Variants in GPC3 observed in about 807,000 individuals in gnomAD.
GPC3 encodes glypican 3.
A neutral mutation model predicts 34.4 loss-of-function variants in GPC3; 3 were observed. The ratio of observed to expected loss-of-function variants is 0.09; its 90% CI spans 0.04 to 0.23. The LOEUF (loss-of-function observed/expected upper bound fraction) is 0.23. Among genes scored for constraint, GPC3 ranks in the 10% least tolerant of loss-of-function variants. The pLI, the probability that GPC3 is intolerant of heterozygous loss-of-function variation, is 1.00. For missense variants in GPC3, 351 were observed against 445.6 expected, an observed-to-expected ratio of 0.79 and a Z score of 1.91; for synonymous variants, 177 against 174.0, an observed-to-expected ratio of 1.02 and a Z score of -0.13.
intron 2 of GPC3, among the ~76,000 whole-genome samples, chrX:133,900,184 C>T (rs915635526): frequency 2.7e-5 from 3 of 112,380 alleles, no homozygotes; most frequent in Admixed American, 9.4e-5. Context: ...TAGGAGCAGG[C>T]CCAAAGTATT....
chrX:133,934,358 G>C (rs984887756), intron 2 of GPC3, among the ~76,000 whole-genome samples: 3 of 108,077 alleles, frequency 2.8e-5, no homozygotes, highest in Non-Finnish European at 5.7e-5. Context: ...ACCACGCCTG[G>C]CTAATTTTGT....
chrX:133,955,758 T>C (rs1030544389), intron 1 of GPC3, among the ~76,000 whole-genome samples: 15 of 111,950 alleles, frequency 1.3e-4, no homozygotes, highest in African/African-American at 4.6e-4. Context: ...CCTAAAGTTT[T>C]ACAAGGTCCT....
chrX:133,777,100 C>A lies in GPC3; in HGVS notation c.338-22924G>T, dbSNP rs181758034. On this transcript the variant is annotated intron_variant, in intron 2 of 7. Transcript: ENST00000370818. ...TTCACTATGTTGGCCAGGCTGGTCT[C>A]AAAATCCTGACCTCATGATCTGTCC... 2.0e-3 allele frequency among the ~76,000 whole-genome samples: 214 copies of A among 109,006 alleles called. 1 individual carries two copies. In the East Asian group the frequency reaches 0.021, roughly 11 times the overall value. The allele number at this position is 109,006 out of a possible 115,157, so 94.7% of individuals were successfully genotyped here.
intron 7 of GPC3, among the ~76,000 whole-genome samples, chrX:133,590,067 A>T (rs1343646517): frequency 1.8e-5 from 2 of 111,092 alleles, no homozygotes; most frequent in African/African-American, 6.6e-5. Context: ...AGAGAACTAG[A>T]TAGGCTCCTT....
intron 7 of GPC3, among the ~76,000 whole-genome samples, chrX:133,546,292 G>T (rs1167111515): frequency 9.1e-6 from 1 of 109,766 alleles, no homozygotes; most frequent in East Asian, 2.9e-4. Context: ...TGTCATTCCA[G>T]GTCAGCCAAA....
chrX:133,575,527 T>C (rs1287128468), intron 7 of GPC3, among the ~76,000 whole-genome samples: 2 of 111,899 alleles, frequency 1.8e-5, no homozygotes, highest in South Asian at 3.8e-4. Context: ...GAAGGGATAC[T>C]GAATAATTCT....
intron 2 of GPC3, among the ~76,000 whole-genome samples, chrX:133,791,076 A>C (rs755610483): frequency 8.9e-6 from 1 of 111,797 alleles, no homozygotes; most frequent in South Asian, 3.8e-4. Flanking sequence ...CACCACCACC[A>C]CTTTGTGAAT....
intron 5 of GPC3, among the ~76,000 whole-genome samples, chrX:133,666,655 T>C (rs1428172722): frequency 2.7e-5 from 3 of 112,405 alleles, no homozygotes; most frequent in Non-Finnish European, 3.8e-5. Flanking sequence ...GACAAAATAT[T>C]GAACCAAATT....
chrX:133,623,193 A>C (rs145825791), intron 6 of GPC3, among the ~76,000 whole-genome samples: 1,449 of 112,069 alleles, frequency 0.013, 30 homozygotes, highest in African/African-American at 0.043. Flanking sequence ...CTGGTACCAG[A>C]CACTGCAAAA....
At chrX:133,619,159 G>A (rs944369217) in intron 6 of GPC3, among the ~76,000 whole-genome samples, 3 of 112,389 alleles carry the variant, frequency 2.7e-5, no homozygotes, top group Non-Finnish European at 5.6e-5. Flanking sequence ...TTAGATGGCT[G>A]TAATAATAAT....
intron 2 of GPC3, among the ~76,000 whole-genome samples, chrX:133,866,285 T>C (rs1389827108): frequency 8.9e-6 from 1 of 111,960 alleles, no homozygotes; most frequent in African/African-American, 3.2e-5. Flanking sequence ...GCTATTTATT[T>C]AGGGGATTTT....
At chrX:133,630,791 T>C (rs1305777240) in intron 6 of GPC3, among the ~76,000 whole-genome samples, 1 of 112,047 alleles carries the variant, frequency 8.9e-6, no homozygotes, top group African/African-American at 3.2e-5. Context: ...TAAACATTAA[T>C]CACCCCAGGT....
chrX:133,686,545 G>C (rs1271582017), intron 5 of GPC3, among the ~76,000 whole-genome samples: 1 of 111,361 alleles, frequency 9.0e-6, no homozygotes, highest in Non-Finnish European at 1.9e-5. Context: ...GAAACCCTTA[G>C]AATAAGTAAA....
chrX:133,794,483 A>AC (rs922794740), intron 2 of GPC3, among the ~76,000 whole-genome samples: 2 of 111,726 alleles, frequency 1.8e-5, no homozygotes, highest in African/African-American at 3.3e-5. Context: ...AGGGTCAGTC[A>AC]CCTTTTTAGC....
chrX:133,910,885 A>G (rs902390255), intron 2 of GPC3, among the ~76,000 whole-genome samples: 2 of 111,769 alleles, frequency 1.8e-5, no homozygotes, highest in African/African-American at 6.5e-5. Flanking sequence ...ACAGCCCAAG[A>G]GAATATTGAG....
chrX:133,930,267 A>G (rs182898022), intron 2 of GPC3, among the ~76,000 whole-genome samples: 54 of 112,030 alleles, frequency 4.8e-4, no homozygotes, highest in African/African-American at 1.6e-3. Flanking sequence ...GGTTGTCACA[A>G]CTGGAGAGAG....
At chrX:133,865,809 A>G (rs1048359868) in intron 2 of GPC3, among the ~76,000 whole-genome samples, 2 of 111,939 alleles carry the variant, frequency 1.8e-5, no homozygotes, top group Non-Finnish European at 3.8e-5. Flanking sequence ...GTATACCAAC[A>G]AGTTCAACCA....
intron 2 of GPC3, among the ~76,000 whole-genome samples, chrX:133,794,226 G>A (rs1019449826): frequency 8.9e-6 from 1 of 111,897 alleles, no homozygotes; most frequent in Non-Finnish European, 1.9e-5. Flanking sequence ...GCAATGCTTG[G>A]TGTCTGTTCC....
intron 6 of GPC3, among the ~76,000 whole-genome samples, chrX:133,658,131 T>G (rs2070683490): frequency 8.9e-6 from 1 of 111,929 alleles, no homozygotes; most frequent in Non-Finnish European, 1.9e-5. Context: ...TAGTCAGGCA[T>G]TCAGTGAATC....
Sources: allele counts gnomAD v4.1 joint callset (sites outside exome capture counted in the v4.1 genomes callset), GRCh38; gene constraint gnomAD v4.1.1; transcripts MANE v1.5; gene names NCBI Gene and HGNC (gene_info 2026-07-23, HGNC 2026-07-21).